Variants in CACNA2D2 observed in about 807,000 individuals in gnomAD.
CACNA2D2 encodes calcium voltage-gated channel auxiliary subunit alpha2delta 2.
In CACNA2D2, 48 loss-of-function variants were observed where a neutral mutation model predicts 166.4. The ratio of observed to expected loss-of-function variants is 0.29; its 90% CI spans 0.23 to 0.37. CACNA2D2 has a LOEUF of 0.37. Ranked by LOEUF, CACNA2D2 falls within the 10% of genes least tolerant of loss-of-function variation. The probability of loss-of-function intolerance (pLI) is 1.00; values close to 1 mark genes in which losing one functional copy is unlikely to be tolerated. For synonymous variants in CACNA2D2, 561 were observed against 573.7 expected, an observed-to-expected ratio of 0.98 and a Z score of 0.32; for missense variants, 1,122 against 1,433.0, an observed-to-expected ratio of 0.78 and a Z score of 3.50.
At chr3:50,429,869 C>T (rs1259918503) in intron 3 of CACNA2D2, among the ~76,000 whole-genome samples, 3 of 152,098 alleles carry the variant, frequency 2.0e-5, no homozygotes, top group African/African-American at 4.8e-5. Flanking sequence ...GCTGACCCCC[C>T]GAGAATCTGA....
Position 50,365,381 on chromosome 3 carries a change from T to C in CACNA2D2, c.3073A>G (p.Ile1025Val). The C allele has an allele frequency of 1.2e-6, 2 of 1,613,524 alleles. No individual in the cohort carries two copies. The highest frequency in any genetic ancestry group is 8.5e-7 in the Non-Finnish European group (1 of 1,179,832). Residue 1025 changes from isoleucine (I) to valine (V), a missense_variant, in exon 35 of 38, where the codon ATC becomes GTC. By Grantham distance (29) the Ile-to-Val change is conservative (BLOSUM62 3). Around this residue, in one of 2 missense-constraint regions of CACNA2D2, gnomAD observed 282 missense variants for 266.2 expected, o/e 1.06. Transcript: ENST00000424201. The surrounding 1 kb of genome is among the most constrained non-coding windows in gnomAD (Gnocchi z 4.5). Reference protein sequence around the residue: ...FGSVNASYNAIIDCGNCSRLF... With the variant: ...FGSVNASYNAVIDCGNCSRLF... ...CTGGAGCAGTTTCCGCAGTCGATGA[T>C]GGCGTTGTAGGAGGCGTTTACCGAG...
At chr3:50,430,095 C>T (rs1346746407) in intron 3 of CACNA2D2, among the ~76,000 whole-genome samples, 1 of 152,180 alleles carries the variant, frequency 6.6e-6, no homozygotes, top group Non-Finnish European at 1.5e-5. Context: ...CGGGGCCTCC[C>T]ACCACCTCTG....
intron 2 of CACNA2D2, among the ~76,000 whole-genome samples, chr3:50,468,183 C>T (rs1253041286): frequency 6.6e-6 from 1 of 152,218 alleles, no homozygotes; most frequent in Non-Finnish European, 1.5e-5. Flanking sequence ...CTCGAACATT[C>T]AGACCAGCCT....
At chr3:50,381,160 C>T (rs200697099) in intron 6 of CACNA2D2, 34 bp from the exon 7 acceptor site, 20 of 1,611,172 alleles carry the variant, frequency 1.2e-5, no homozygotes, top group Non-Finnish European at 1.6e-5. Flanking sequence ...GTGGGGAGCA[C>T]CTGGGCTGTG....
chr3:50,459,130 A>G (rs1472548620), intron 2 of CACNA2D2, among the ~76,000 whole-genome samples: 1 of 152,242 alleles, frequency 6.6e-6, no homozygotes, highest in Non-Finnish European at 1.5e-5. Flanking sequence ...GACAGACATC[A>G]TATTTTGCAA....
intron 2 of CACNA2D2, among the ~76,000 whole-genome samples, chr3:50,439,534 G>A (rs749051828): frequency 2.6e-5 from 4 of 152,348 alleles, no homozygotes; most frequent in South Asian, 2.1e-4. Flanking sequence ...GCATGACTCC[G>A]GGGAGACTGG....
At position 50,379,912 on chromosome 3, in the gene CACNA2D2, G is replaced by T; in HGVS notation, c.893+56C>A. On this transcript the variant is annotated intron_variant, in intron 9 of 37. Transcript: ENST00000424201. The surrounding 1 kb of genome is among the most constrained non-coding windows in gnomAD (Gnocchi z 6.5). ...CCCCCAAGATGTTCAGGGCAGCAGA[G>T]TCTAGCCCATTGCCCGTCCCTGCCC... The T allele has an allele frequency of 6.2e-7, 1 of 1,612,184 alleles. No individual in the cohort carries two copies. The highest frequency in any genetic ancestry group is 1.1e-5 in the South Asian group (1 of 91,044).
intron 2 of CACNA2D2, among the ~76,000 whole-genome samples, chr3:50,440,232 T>C (rs1399505191): frequency 6.6e-6 from 1 of 152,218 alleles, no homozygotes; most frequent in Non-Finnish European, 1.5e-5. Flanking sequence ...AGGAGGGGGC[T>C]AAGGCCTGTC....
chr3:50,390,297 G>A (rs1345712313), intron 4 of CACNA2D2, among the ~76,000 whole-genome samples: 1 of 152,172 alleles, frequency 6.6e-6, no homozygotes, highest in Non-Finnish European at 1.5e-5. Flanking sequence ...CACCCGCGAG[G>A]AGGCAAGGCT....
chr3:50,399,862 TCTC>T (rs998206640), intron 3 of CACNA2D2, among the ~76,000 whole-genome samples: 5 of 152,212 alleles, frequency 3.3e-5, no homozygotes, highest in African/African-American at 1.2e-4. Flanking sequence ...CCTTTGCCCT[TCTC>T]CTAGGAGAGA....
intron 1 of CACNA2D2, among the ~76,000 whole-genome samples, chr3:50,494,450 G>GA (rs1209304311): frequency 6.6e-6 from 1 of 152,084 alleles, no homozygotes; most frequent in Non-Finnish European, 1.5e-5. Flanking sequence ...ACCATCTCAG[G>GA]AATACGCCAG....
intron 2 of CACNA2D2, among the ~76,000 whole-genome samples, chr3:50,457,293 ACAGACTAGGCTCTGG>A (rs1187164795): frequency 6.6e-6 from 1 of 152,068 alleles, no homozygotes; most frequent in African/African-American, 2.4e-5. Context: ...AACAAAAACG[ACAGACTAGGCTCTGG>A]CAGGTAGTCC....
chr3:50,491,009 C>CCAA (rs1698497958), intron 1 of CACNA2D2, among the ~76,000 whole-genome samples: 1 of 152,186 alleles, frequency 6.6e-6, no homozygotes, highest in Non-Finnish European at 1.5e-5. Context: ...GGCAGCCCAT[C>CCAA]CAACCTCTCC....
Position 50,483,380 on chromosome 3 carries a change from G to A in CACNA2D2, c.207-7181C>T, listed in dbSNP as rs145952405. On this transcript the variant is annotated intron_variant, in intron 1 of 37. Transcript: ENST00000424201. ...GAATGGGTCCAAAGCCATCTCTCTC[G>A]ACCATGTGTGCCTTGGGACCCTGCC... 1.7e-3 allele frequency among the ~76,000 whole-genome samples: 264 copies of A among 152,286 alleles called. 1 individual carries two copies. The highest frequency in any genetic ancestry group is 7.5e-3 in the Admixed American group (115 of 15,306).
rs1422867019 is a variant in CACNA2D2, at chr3:50,431,195, T to C, written c.405+3118A>G. On this transcript the variant is annotated intron_variant, in intron 3 of 37. Transcript: ENST00000424201. ...GTCCCCCAACAGCCCTCCCTCCATA[T>C]ACACTCAGACTGCAAACAAATGTGA... 2.0e-5 allele frequency among the ~76,000 whole-genome samples: 3 copies of C among 152,154 alleles called. No individual in the cohort carries two copies. The East Asian group carries it at 5.8e-4, about 29-fold the overall frequency.
chr3:50,466,315 G>C (rs990099167), intron 2 of CACNA2D2, among the ~76,000 whole-genome samples: 4 of 151,976 alleles, frequency 2.6e-5, no homozygotes, highest in Non-Finnish European at 5.9e-5. Flanking sequence ...CCACAATTGA[G>C]ATTTCTCAGC....
intron 1 of CACNA2D2, among the ~76,000 whole-genome samples, chr3:50,481,283 G>C (rs1296579769): frequency 2.0e-5 from 3 of 152,082 alleles, no homozygotes; most frequent in Non-Finnish European, 4.4e-5. Context: ...TAGGGAGCAA[G>C]GGGCTCGGAA....
Position 50,367,118 on chromosome 3 carries a change from T to G in CACNA2D2, c.2402-9A>C, listed in dbSNP as rs2109407581. The G allele has an allele frequency of 6.2e-7, 1 of 1,605,648 alleles. No individual in the cohort carries two copies. The highest frequency in any genetic ancestry group is 8.5e-7 in the Non-Finnish European group (1 of 1,173,410). On this transcript the variant is annotated splice_polypyrimidine_tract_variant and intron_variant, in intron 27 of 37. Coordinates refer to ENST00000424201, the MANE Select transcript of CACNA2D2 (RefSeq NM_006030.4). This position sits in a 1 kb window ranked among gnomAD's most constrained non-coding sequence, Gnocchi z 6.5. ...CAGCGGCCTTAACAGGGCTGGGGGTTGGGTGGGGAAGTCAGGAGTGGGGTC... is the reference window on the plus strand; with the variant it reads ...CAGCGGCCTTAACAGGGCTGGGGGTGGGGTGGGGAAGTCAGGAGTGGGGTC...
At position 50,365,736 on chromosome 3, in the gene CACNA2D2, C is replaced by T. The variant is rs776855369; in HGVS notation, c.2916-48G>A. On this transcript the variant is annotated intron_variant, in intron 33 of 37. Transcript: ENST00000424201. The surrounding 1 kb of genome is among the most constrained non-coding windows in gnomAD (Gnocchi z 4.5). ...TGCAGGTGGTCAGCAGAGGACGATG[C>T]CATGCCCTACTTCTCTTCTGAGCCC... 3 of 1,604,502 alleles carry T rather than the reference C, an allele frequency of 1.9e-6. No individual in the cohort carries two copies. Among genetic ancestry groups the T allele is most frequent in the Admixed American group, 1.7e-5 (1 of 58,474 alleles).
Sources: gnomAD v4.1 joint callset for allele counts (sites outside exome capture counted in the v4.1 genomes callset) on GRCh38, gnomAD v4.1.1 for gene constraint, gnomAD v4.1.1 regional missense constraint, Gnocchi (gnomAD v3.1) non-coding constraint, MANE v1.5 for transcripts, NCBI Gene and HGNC (gene_info 2026-07-23, HGNC 2026-07-21) for gene names.